ZNF407: variants seen among roughly 807,000 people sequenced by gnomAD.
The protein encoded by ZNF407 is zinc finger protein 407.
Under a neutral mutation model 131.2 loss-of-function variants are expected in ZNF407, and 17 were observed. That is an observed-to-expected ratio of 0.13 (90% CI 0.09 to 0.19). ZNF407 has a LOEUF of 0.19. Ranked by LOEUF, ZNF407 falls within the 10% of genes least tolerant of loss-of-function variation. The pLI, the probability that ZNF407 is intolerant of heterozygous loss-of-function variation, is 1.00. For missense variants in ZNF407, 2,681 were observed against 2,830.6 expected, an observed-to-expected ratio of 0.95 and a Z score of 1.20; for synonymous variants, 1,156 against 1,062.0, an observed-to-expected ratio of 1.09 and a Z score of -1.72.
intron 3 of ZNF407, among the ~76,000 whole-genome samples, chr18:74,743,173 A>T (rs1446779879): frequency 6.6e-6 from 1 of 152,180 alleles, no homozygotes; most frequent in Non-Finnish European, 1.5e-5. Flanking sequence ...AGCAAGTTAC[A>T]GGGGTTAGGG....
intron 8 of ZNF407, among the ~76,000 whole-genome samples, chr18:74,973,263 A>C (rs1382808180): frequency 1.3e-5 from 2 of 152,114 alleles, no homozygotes; most frequent in African/African-American, 4.8e-5. Flanking sequence ...ACCATCTCTC[A>C]TTTATAAAAT....
At chr18:74,817,244 A>G (rs888862649) in intron 4 of ZNF407, among the ~76,000 whole-genome samples, 3 of 152,154 alleles carry the variant, frequency 2.0e-5, no homozygotes, top group African/African-American at 7.2e-5. Flanking sequence ...ATTCTTTCTG[A>G]CCATGAATTG....
intron 8 of ZNF407, among the ~76,000 whole-genome samples, chr18:74,958,808 C>T (rs1239932503): frequency 6.6e-6 from 1 of 152,150 alleles, no homozygotes; most frequent in African/African-American, 2.4e-5. Flanking sequence ...AAGATTTTAG[C>T]AGAGGTCTTG....
rs777139584 is a variant in ZNF407, at chr18:74,633,771, G to A, written c.2752G>A (p.Asp918Asn). Residue 918 changes from aspartate (D) to asparagine (N), a missense_variant, in exon 2 of 9, where the codon GAT (aspartate) becomes AAT (asparagine). Around this residue, in one of 6 missense-constraint regions of ZNF407, gnomAD observed 1,789 missense variants for 1,748.7 expected, o/e 1.02. Coordinates refer to ENST00000299687, the MANE Select transcript of ZNF407 (RefSeq NM_017757.3). Reference sequence around the variant, plus strand: ...AGAAGCAAGTGGAAAACACAGTTCAGATATCATTGTTGGCCCTGAAGGGGG... The same window carrying A: ...AGAAGCAAGTGGAAAACACAGTTCAAATATCATTGTTGGCCCTGAAGGGGG... Reference protein sequence around the residue: ...EIEASGKHSSDIIVGPEGGSL... With the variant: ...EIEASGKHSSNIIVGPEGGSL... 5.0e-6 allele frequency: 8 copies of A among 1,613,988 alleles called. No individual in the cohort carries two copies. In the South Asian group the frequency reaches 8.8e-5, roughly 18 times the overall value.
intron 3 of ZNF407, among the ~76,000 whole-genome samples, chr18:74,689,491 CAT>C (rs1342706318): frequency 6.6e-6 from 1 of 152,180 alleles, no homozygotes; most frequent in Non-Finnish European, 1.5e-5. Context: ...ATTGCAGCTG[CAT>C]GGCTATTTAA....
intron 8 of ZNF407, among the ~76,000 whole-genome samples, chr18:75,004,026 G>A (rs754989995): frequency 6.6e-6 from 1 of 152,128 alleles, no homozygotes; most frequent in Non-Finnish European, 1.5e-5. Flanking sequence ...AGCAGATTTC[G>A]CAAGTTTGTA....
At chr18:74,621,994 T>G (rs1332064931) in intron 1 of ZNF407, among the ~76,000 whole-genome samples, 1 of 152,048 alleles carries the variant, frequency 6.6e-6, no homozygotes. Flanking sequence ...TAGTGAATGG[T>G]TTTTTAGGGT....
Position 74,776,110 on chromosome 18 carries a change from G to A in ZNF407, c.4803-5318G>A, listed in dbSNP as rs141296352. Among the ~76,000 whole-genome samples the A allele has an allele frequency of 6.3e-3, 952 of 152,284 alleles. 4 individuals carry two copies. The highest frequency in any genetic ancestry group is 0.011 in the Non-Finnish European group (754 of 68,014). The stretch of plus-strand genomic sequence containing the variant: ...ATAGTATTAATTAGTTGGAGCATTT[G>A]GGAGCTGATTTTGGGAGGGCAGAGC... On this transcript the variant is annotated intron_variant, in intron 3 of 8. Transcript: ENST00000299687.
intron 3 of ZNF407, among the ~76,000 whole-genome samples, chr18:74,684,229 T>C (rs1967047414): frequency 6.6e-6 from 1 of 152,144 alleles, no homozygotes; most frequent in Admixed American, 6.5e-5. Context: ...TAAGGATTTT[T>C]TTTTTCCAGG....
At chr18:74,986,814 A>G (rs1267057922) in intron 8 of ZNF407, among the ~76,000 whole-genome samples, 4 of 152,216 alleles carry the variant, frequency 2.6e-5, no homozygotes, top group Admixed American at 2.6e-4. Context: ...TATCCTGTAT[A>G]TTCCAGACAA....
At position 74,941,540 on chromosome 18, in the gene ZNF407, A is replaced by G. The variant is rs949100126; in HGVS notation, c.5428+20848A>G. On this transcript the variant is annotated intron_variant, in intron 8 of 8. Transcript: ENST00000299687. ...ACACATACACAACACATAATGTACT[A>G]TAATGGGTTGCTAAGCAAATATTTG... Among the ~76,000 whole-genome samples, 45 of 152,356 alleles carry G rather than the reference A, an allele frequency of 3.0e-4. 1 individual carries two copies. The highest frequency in any genetic ancestry group is 9.1e-4 in the African/African-American group (38 of 41,580).
intron 8 of ZNF407, among the ~76,000 whole-genome samples, chr18:75,019,006 G>A (rs1973076622): frequency 6.6e-6 from 1 of 152,026 alleles, no homozygotes; most frequent in African/African-American, 2.4e-5. Flanking sequence ...ACAGGGAATA[G>A]AATAATCTGA....
intron 3 of ZNF407, among the ~76,000 whole-genome samples, chr18:74,731,317 C>T (rs1181476887): frequency 6.6e-6 from 1 of 152,180 alleles, no homozygotes; most frequent in Non-Finnish European, 1.5e-5. Flanking sequence ...GCGAGTCACT[C>T]ATGGATTGTA....
At chr18:75,058,801 G>A (rs1973591465) in intron 8 of ZNF407, among the ~76,000 whole-genome samples, 1 of 152,166 alleles carries the variant, frequency 6.6e-6, no homozygotes, top group African/African-American at 2.4e-5. Context: ...CCCAGTTAGG[G>A]TTTAAAGTTA....
chr18:74,873,857 A>G (rs1261836767), intron 4 of ZNF407, among the ~76,000 whole-genome samples: 2 of 152,200 alleles, frequency 1.3e-5, no homozygotes, highest in Non-Finnish European at 2.9e-5. Context: ...TCTGTAATGA[A>G]AACGCCTGCT....
intron 8 of ZNF407, among the ~76,000 whole-genome samples, chr18:74,973,204 T>A (rs1972492524): frequency 6.6e-6 from 1 of 152,206 alleles, no homozygotes; most frequent in Non-Finnish European, 1.5e-5. Context: ...GTCAGCATTT[T>A]ACCAGTTTGA....
In ZNF407 at chr18:74,992,883, A is replaced by C. The variant is rs1207609994; in HGVS notation, c.5429-70267A>C. On this transcript the variant is annotated intron_variant, in intron 8 of 8. Coordinates refer to ENST00000299687, the MANE Select transcript of ZNF407 (RefSeq NM_017757.3). ...AAAAGCACATGAAATGATGCTAATCATCGCCAGTTTTTAGGAACGTGAAAA... is the reference window on the plus strand; with the variant it reads ...AAAAGCACATGAAATGATGCTAATCCTCGCCAGTTTTTAGGAACGTGAAAA... 3.3e-5 allele frequency among the ~76,000 whole-genome samples: 5 copies of C among 152,360 alleles called. 1 individual carries two copies. In the South Asian group the frequency reaches 1.0e-3, roughly 32 times the overall value.
At chr18:74,906,339 A>G (rs911903709) in intron 7 of ZNF407, among the ~76,000 whole-genome samples, 3 of 152,188 alleles carry the variant, frequency 2.0e-5, no homozygotes, top group Admixed American at 1.3e-4. Flanking sequence ...TGCTAAATTC[A>G]TCAGATTGAC....
intron 7 of ZNF407, among the ~76,000 whole-genome samples, chr18:74,919,570 G>T (rs1971818576): frequency 6.6e-6 from 1 of 152,106 alleles, no homozygotes; most frequent in Non-Finnish European, 1.5e-5. Context: ...TTTAATTTTG[G>T]TCTGTAGGAA....
Sources: gnomAD v4.1 joint callset for allele counts (sites outside exome capture counted in the v4.1 genomes callset) on GRCh38, gnomAD v4.1.1 for gene constraint, gnomAD v4.1.1 regional missense constraint, MANE v1.5 for transcripts, NCBI Gene and HGNC (gene_info 2026-07-23, HGNC 2026-07-21) for gene names.